NCKAP5: variants seen among roughly 807,000 people sequenced by gnomAD.
NCKAP5 encodes NCK associated protein 5, also known as nck-associated protein 5.
NCKAP5 carries 92 observed loss-of-function variants against 167.0 expected under a neutral mutation model. The observed-to-expected ratio is 0.55, with a 90% CI of 0.47 to 0.66. The LOEUF is 0.66. Among genes scored for constraint, NCKAP5 ranks in the 30% least tolerant of loss-of-function variants. NCKAP5 has a pLI of 0.00. For synonymous variants in NCKAP5, 891 were observed against 877.4 expected (o/e 1.02, Z -0.27); for missense variants, 2,378 against 2,315.0 (o/e 1.03, Z -0.56).
At chr2:132,673,896 G>A (rs2104960583) in intron 19 of NCKAP5, among the ~76,000 whole-genome samples, 1 of 152,238 alleles carries the variant, frequency 6.6e-6, no homozygotes, top group Non-Finnish European at 1.5e-5. Flanking sequence ...AGCGGCAGGT[G>A]AACAGCTGAG....
intron 4 of NCKAP5, among the ~76,000 whole-genome samples, chr2:133,294,820 T>C (rs1300621916): frequency 6.6e-6 from 1 of 152,212 alleles, no homozygotes; most frequent in Non-Finnish European, 1.5e-5. Context: ...AAAGGTAAAA[T>C]TCCATTTTAA....
chr2:133,014,143 A>G (rs2078256191), intron 6 of NCKAP5, among the ~76,000 whole-genome samples: 1 of 152,186 alleles, frequency 6.6e-6, no homozygotes, highest in African/African-American at 2.4e-5. Context: ...CCTTCCATGG[A>G]CCCATCCTTA....
intron 15 of NCKAP5, among the ~76,000 whole-genome samples, chr2:132,780,212 C>A (rs530488715): frequency 6.6e-6 from 1 of 152,172 alleles, no homozygotes; most frequent in Non-Finnish European, 1.5e-5. Flanking sequence ...AGTGCAGTGG[C>A]ACAATCTCGG....
At chr2:132,795,836 A>C (rs1056184852) in intron 12 of NCKAP5, among the ~76,000 whole-genome samples, 18 of 139,586 alleles carry the variant, frequency 1.3e-4, no homozygotes, top group South Asian at 6.7e-4. Flanking sequence ...AAAAAAAAAA[A>C]AACAAAAAAA....
intron 7 of NCKAP5, among the ~76,000 whole-genome samples, chr2:132,987,041 T>C (rs547322098): frequency 7.9e-5 from 12 of 152,290 alleles, no homozygotes; most frequent in African/African-American, 2.6e-4. Context: ...TGGAGGTTGC[T>C]AGGCGGAGGG....
chr2:132,723,174 C>G (rs1276254942), intron 19 of NCKAP5, among the ~76,000 whole-genome samples: 1 of 118,778 alleles, frequency 8.4e-6, no homozygotes, highest in Non-Finnish European at 1.6e-5. Context: ...GAGACAGAGT[C>G]TTGCTCTGTC....
At chr2:132,889,003 C>T (rs1463254485) in intron 8 of NCKAP5, among the ~76,000 whole-genome samples, 1 of 152,200 alleles carries the variant, frequency 6.6e-6, no homozygotes, top group Non-Finnish European at 1.5e-5. Flanking sequence ...TAAGCTTCTA[C>T]CTGGCCTCTT....
chr2:133,464,116 T>C (rs1345247597), intron 3 of NCKAP5, among the ~76,000 whole-genome samples: 1 of 152,148 alleles, frequency 6.6e-6, no homozygotes, highest in Non-Finnish European at 1.5e-5. Flanking sequence ...GTTTGCTTGC[T>C]CACTAGCAAT....
At chr2:132,896,920 C>T (rs1383395363) in intron 8 of NCKAP5, among the ~76,000 whole-genome samples, 2 of 152,112 alleles carry the variant, frequency 1.3e-5, no homozygotes, top group Non-Finnish European at 2.9e-5. Context: ...TGACATTGAT[C>T]GAGACACTGA....
the NCKAP5 span, among the ~76,000 whole-genome samples, chr2:133,601,501 G>A: frequency 0.043 from 6,533 of 152,244 alleles, 155 homozygotes; most frequent in South Asian, 0.079. Flanking sequence ...AGGCCAAGGT[G>A]GGCGGATCAC....
intron 6 of NCKAP5, among the ~76,000 whole-genome samples, chr2:133,031,966 C>T (rs1202831699): frequency 1.3e-5 from 2 of 152,006 alleles, no homozygotes; most frequent in Non-Finnish European, 2.9e-5. Context: ...GCAGTGATGC[C>T]CAGGTACTAT....
chr2:132,874,772 G>A (rs924750205), intron 9 of NCKAP5, among the ~76,000 whole-genome samples: 3 of 152,136 alleles, frequency 2.0e-5, no homozygotes, highest in Non-Finnish European at 4.4e-5. Flanking sequence ...CCAATTTCCT[G>A]TCCCTGCATA....
chr2:132,789,964 AC>A, intron 13 of NCKAP5, 58 bp downstream of exon 13: 1 of 1,511,102 alleles, frequency 6.6e-7, no homozygotes, highest in South Asian at 1.3e-5. Flanking sequence ...CATCTCCATG[AC>A]CAAATCCTAC....
At position 132,810,097 on chromosome 2, in the gene NCKAP5, G is replaced by A. The variant is rs564405512; in HGVS notation, c.808-13368C>T. Among the ~76,000 whole-genome samples the A allele has an allele frequency of 3.3e-5, 5 of 152,302 alleles. No homozygotes were observed. In the South Asian group the frequency reaches 8.3e-4, roughly 25 times the overall value. On this transcript the variant is annotated intron_variant, in intron 11 of 19. Transcript: ENST00000409261. ...GGCTGATAATTGTTTTGTTTGAAGA[G>A]GCTGAAGATAGGGCCCCAATCCCTT... is the stretch of plus-strand genomic sequence containing the variant.
At chr2:132,926,012 A>G (rs772833411) in intron 8 of NCKAP5, among the ~76,000 whole-genome samples, 10 of 152,110 alleles carry the variant, frequency 6.6e-5, no homozygotes, top group Non-Finnish European at 1.2e-4. Context: ...TCCATTATGT[A>G]ATTTCTCATC....
chr2:133,302,593 G>C (rs1408300820), intron 4 of NCKAP5, among the ~76,000 whole-genome samples: 1 of 111,668 alleles, frequency 9.0e-6, no homozygotes, highest in South Asian at 3.3e-4. Flanking sequence ...AGATCACATG[G>C]ACACAGGAAG....
the NCKAP5 span, among the ~76,000 whole-genome samples, chr2:133,638,073 T>C: frequency 4.6e-5 from 7 of 152,168 alleles, no homozygotes; most frequent in Non-Finnish European, 1.0e-4. Flanking sequence ...AAAATAAACA[T>C]AACTTACAAT....
intron 16 of NCKAP5, among the ~76,000 whole-genome samples, chr2:132,739,820 G>C (rs1558993720): frequency 6.6e-6 from 1 of 152,160 alleles, no homozygotes; most frequent in Non-Finnish European, 1.5e-5. Context: ...GCTGCAATCT[G>C]CCTCATGTAG....
chr2:133,538,554 A>C (rs1685932437), intron 2 of NCKAP5, among the ~76,000 whole-genome samples: 1 of 152,162 alleles, frequency 6.6e-6, no homozygotes, highest in Non-Finnish European at 1.5e-5. Context: ...GTGAACAAAA[A>C]AAAAACTGAG....
Sources: allele counts gnomAD v4.1 joint callset (sites outside exome capture counted in the v4.1 genomes callset), GRCh38; gene constraint gnomAD v4.1.1; transcripts MANE v1.5; gene names NCBI Gene and HGNC (gene_info 2026-07-23, HGNC 2026-07-21).